Variants in SLC71A2 observed in about 807,000 individuals in gnomAD.
SLC71A2 encodes hippocampus abundant transcript-like 1.
chr9:94,446,300 C>T, the SLC71A2 span, among the ~76,000 whole-genome samples: 1 of 152,210 alleles, frequency 6.6e-6, no homozygotes, highest in African/African-American at 2.4e-5. Context: ...GATTTTTCAA[C>T]AAGGTTGTAA....
the SLC71A2 span, among the ~76,000 whole-genome samples, chr9:94,439,422 T>G: frequency 6.6e-6 from 1 of 152,116 alleles, no homozygotes; most frequent in Non-Finnish European, 1.5e-5. Context: ...CTTAGTTGTT[T>G]TTTTTGGATA....
At chr9:94,410,748 A>C in the SLC71A2 span, among the ~76,000 whole-genome samples, 1 of 152,198 alleles carries the variant, frequency 6.6e-6, no homozygotes. Flanking sequence ...CATTAAAAAA[A>C]TCAAATTAGC....
At chr9:94,402,730 C>G in the SLC71A2 span, among the ~76,000 whole-genome samples, 1 of 152,196 alleles carries the variant, frequency 6.6e-6, no homozygotes, top group Non-Finnish European at 1.5e-5. Flanking sequence ...CTTTTTCTTG[C>G]ATGTGGCATG....
At chr9:94,456,099 AT>A in the SLC71A2 span, 1 of 565,114 alleles carries the variant, frequency 1.8e-6, no homozygotes, top group Non-Finnish European at 3.1e-6. Flanking sequence ...TAAAAAAAAA[AT>A]GCATTTTTAA....
the SLC71A2 span, among the ~76,000 whole-genome samples, chr9:94,452,964 C>T: frequency 6.6e-6 from 1 of 151,750 alleles, no homozygotes; most frequent in Non-Finnish European, 1.5e-5. Flanking sequence ...TCTGTGGTAA[C>T]CTCTCTCAAG....
At chr9:94,455,081 T>C in the SLC71A2 span, among the ~76,000 whole-genome samples, 6 of 151,820 alleles carry the variant, frequency 4.0e-5, no homozygotes, top group Non-Finnish European at 5.9e-5. Flanking sequence ...GCCTTAGTTA[T>C]CATGTTTAGT....
the SLC71A2 span, chr9:94,451,635 A>G: frequency 7.9e-5 from 43 of 543,524 alleles, no homozygotes; most frequent in Non-Finnish European, 1.2e-4. Flanking sequence ...CTGAGCTGCT[A>G]CCTCAGTCCC....
the SLC71A2 span, among the ~76,000 whole-genome samples, chr9:94,420,055 T>C: frequency 0.51 from 78,146 of 151,812 alleles, 20,376 homozygotes; most frequent in Admixed American, 0.61. Flanking sequence ...CTGGCTTTTG[T>C]TCTCTGCCAG....
chr9:94,427,910 T>G, the SLC71A2 span, among the ~76,000 whole-genome samples: 1 of 149,626 alleles, frequency 6.7e-6, no homozygotes, highest in South Asian at 2.1e-4. Context: ...GATCACAAGG[T>G]CAGGAGTTCA....
the SLC71A2 span, among the ~76,000 whole-genome samples, chr9:94,375,210 A>G: frequency 6.6e-6 from 1 of 151,976 alleles, no homozygotes; most frequent in Non-Finnish European, 1.5e-5. Flanking sequence ...CGTCCCTGTA[A>G]CAGTTGATAA....
At chr9:94,443,417 C>G in the SLC71A2 span, among the ~76,000 whole-genome samples, 2 of 152,052 alleles carry the variant, frequency 1.3e-5, no homozygotes, top group South Asian at 2.1e-4. Flanking sequence ...ATTTTGAGAC[C>G]CATTAAAGAA....
At chr9:94,459,513 C>A in the SLC71A2 span, 1 of 1,289,036 alleles carries the variant, frequency 7.8e-7, no homozygotes, top group Non-Finnish European at 1.1e-6. Flanking sequence ...ACGCTAGCGG[C>A]ATCCTTCAGG....
the SLC71A2 span, chr9:94,456,307 G>A: frequency 5.6e-6 from 9 of 1,613,944 alleles, no homozygotes; most frequent in Middle Eastern, 3.3e-4. Context: ...CAGTGCCCTC[G>A]TCTCTCGGAA....
At chr9:94,383,188 C>T in the SLC71A2 span, among the ~76,000 whole-genome samples, 2 of 97,496 alleles carry the variant, frequency 2.1e-5, no homozygotes, top group African/African-American at 4.1e-5. Flanking sequence ...TTTGAGATGG[C>T]GTCTTGTCCC....
the SLC71A2 span, among the ~76,000 whole-genome samples, chr9:94,453,173 G>A: frequency 3.0e-5 from 4 of 134,554 alleles, no homozygotes; most frequent in African/African-American, 1.1e-4. Context: ...TTTTTGACAC[G>A]GAGTCTCGCT....
the SLC71A2 span, among the ~76,000 whole-genome samples, chr9:94,398,399 T>G: frequency 1.3e-5 from 2 of 152,080 alleles, no homozygotes; most frequent in African/African-American, 4.8e-5. Flanking sequence ...TTACAAAGTT[T>G]CCGTAGCTTA....
the SLC71A2 span, among the ~76,000 whole-genome samples, chr9:94,411,421 ATGAT>A: frequency 6.6e-6 from 1 of 150,468 alleles, no homozygotes; most frequent in African/African-American, 2.5e-5. Context: ...CTGTGATGTT[ATGAT>A]TGATCAGGTT....
chr9:94,410,400 G>T, the SLC71A2 span, among the ~76,000 whole-genome samples: 1 of 111,200 alleles, frequency 9.0e-6, no homozygotes, highest in Non-Finnish European at 1.9e-5. Flanking sequence ...ACTGCACTGG[G>T]CCTATTTTTT....
chr9:94,408,100 A>G, the SLC71A2 span, among the ~76,000 whole-genome samples: 73,628 of 151,830 alleles, frequency 0.48, 18,095 homozygotes, highest in East Asian at 0.6. Context: ...GTAGGAAAAA[A>G]CAGTATATAC....
Sources: allele counts gnomAD v4.1 joint callset (sites outside exome capture counted in the v4.1 genomes callset), GRCh38; gene constraint gnomAD v4.1.1; transcripts MANE v1.5; gene names NCBI Gene and HGNC (gene_info 2026-07-23, HGNC 2026-07-21).